Variants in BANK1 observed in about 807,000 individuals in gnomAD.
BANK1 encodes the protein B cell scaffold protein with ankyrin repeats 1, also known as B-cell scaffold protein with ankyrin repeats.
BANK1 carries 95 observed loss-of-function variants against 94.5 expected under a neutral mutation model. The ratio of observed to expected loss-of-function variants is 1.00; its 90% confidence interval spans 0.85 to 1.19. BANK1 has a LOEUF of 1.19. BANK1 is among the 50% of genes most tolerant of loss of function. The probability of loss-of-function intolerance (pLI) is 0.00; values close to 1 mark genes in which losing one functional copy is unlikely to be tolerated. For missense variants in BANK1, 987 were observed against 932.2 expected (o/e 1.06, Z -0.77); for synonymous variants, 334 against 308.4 (o/e 1.08, Z -0.87).
intron 7 of BANK1, among the ~76,000 whole-genome samples, chr4:101,937,570 C>G (rs1460604707): frequency 1.3e-5 from 2 of 151,728 alleles, no homozygotes; most frequent in Non-Finnish European, 2.9e-5. Flanking sequence ...GAATGGCTAT[C>G]ATTAAAAAGT....
At chr4:101,894,189 T>C (rs1248707939) in intron 5 of BANK1, among the ~76,000 whole-genome samples, 1 of 152,072 alleles carries the variant, frequency 6.6e-6, no homozygotes, top group East Asian at 1.9e-4. Context: ...ATTACATTAC[T>C]GAATTTTTGG....
At chr4:101,928,690 A>G (rs1334074016) in intron 7 of BANK1, among the ~76,000 whole-genome samples, 2 of 151,670 alleles carry the variant, frequency 1.3e-5, no homozygotes, top group African/African-American at 2.4e-5. Flanking sequence ...TATTGAACCT[A>G]TCAATCTTGA....
intron 6 of BANK1, among the ~76,000 whole-genome samples, chr4:101,906,658 G>A (rs763273678): frequency 2.2e-4 from 33 of 152,138 alleles, no homozygotes; most frequent in Non-Finnish European, 4.4e-4. Flanking sequence ...CTCATCATCA[G>A]TGTGAAAAAG....
chr4:102,050,806 GA>G (rs1381577336), intron 11 of BANK1, among the ~76,000 whole-genome samples: 3 of 99,440 alleles, frequency 3.0e-5, no homozygotes, highest in African/African-American at 1.6e-4. Flanking sequence ...GTCAGGTTAT[GA>G]AAAAAATGAA....
At chr4:101,991,789 CTATGTG>C in intron 7 of BANK1, among the ~76,000 whole-genome samples, 1 of 152,210 alleles carries the variant, frequency 6.6e-6, no homozygotes, top group East Asian at 1.9e-4. Flanking sequence ...ATGGATTTGT[CTATGTG>C]TATGTTTGTG....
intron 7 of BANK1, among the ~76,000 whole-genome samples, chr4:101,958,422 CTTTT>C (rs10580633): frequency 7.3e-6 from 1 of 137,486 alleles, no homozygotes; most frequent in Non-Finnish European, 1.5e-5. Flanking sequence ...GCTACAAACA[CTTTT>C]TTTTTTTTTG....
intron 7 of BANK1, among the ~76,000 whole-genome samples, chr4:101,924,316 C>T (rs2148902607): frequency 6.8e-6 from 1 of 146,244 alleles, no homozygotes; most frequent in Non-Finnish European, 1.5e-5. Flanking sequence ...AAGCAAAAAC[C>T]CCATTTGTAA....
chr4:101,967,283 A>T (rs1173808265), intron 7 of BANK1, among the ~76,000 whole-genome samples: 1 of 152,058 alleles, frequency 6.6e-6, no homozygotes, highest in Admixed American at 6.6e-5. Context: ...TAGATGAGGG[A>T]ACTGAGACAT....
chr4:102,069,995 A>G (rs1259277683), intron 13 of BANK1, among the ~76,000 whole-genome samples: 2 of 152,148 alleles, frequency 1.3e-5, no homozygotes, highest in Non-Finnish European at 2.9e-5. Flanking sequence ...AGGGGTGGCA[A>G]ATATCCAGGT....
intron 7 of BANK1, among the ~76,000 whole-genome samples, chr4:101,937,155 T>C (rs1723594196): frequency 6.6e-6 from 1 of 151,762 alleles, no homozygotes; most frequent in East Asian, 2.0e-4. Flanking sequence ...TGCAACACCA[T>C]AGACAGAACT....
At chr4:102,060,481 T>C in intron 12 of BANK1, 92 bp downstream of exon 12, 2 of 1,363,202 alleles carry the variant, frequency 1.5e-6, no homozygotes, top group East Asian at 2.6e-5. Context: ...TACAGGTAAC[T>C]GTTCTTTCAT....
At chr4:101,796,197 G>T (rs1423167671) in intron 1 of BANK1, among the ~76,000 whole-genome samples, 1 of 152,156 alleles carries the variant, frequency 6.6e-6, no homozygotes. Flanking sequence ...AAAGAGAGTA[G>T]TCTCAATTTC....
At chr4:101,934,551 A>C (rs1006477764) in intron 7 of BANK1, among the ~76,000 whole-genome samples, 3 of 151,654 alleles carry the variant, frequency 2.0e-5, no homozygotes, top group Admixed American at 2.0e-4. Context: ...CTTGAGATTT[A>C]TGATGAGATC....
Position 101,830,212 on chromosome 4 carries a change from G to T in BANK1, c.469+6G>T. On this transcript the variant is annotated splice_donor_region_variant and intron_variant, in intron 2 of 16. Coordinates refer to ENST00000322953, the MANE Select transcript of BANK1 (RefSeq NM_017935.5). Reference sequence around the variant, plus strand: ...CCAGAGTATCATATTCAAAGGTAGTGTTGCCAAACCTTGTTTGTTTTATTT... The same window carrying T: ...CCAGAGTATCATATTCAAAGGTAGTTTTGCCAAACCTTGTTTGTTTTATTT... 38 of 1,462,572 alleles carry T rather than the reference G, an allele frequency of 2.6e-5. No homozygotes were observed. The highest frequency in any genetic ancestry group is 1.8e-4 in the Middle Eastern group (1 of 5,500). 90.6% of individuals were successfully genotyped at this position (1,462,572 alleles called of 1,614,324 possible). A position where few individuals can be genotyped will look rare whatever the true frequency, so the allele number is the denominator to read the frequency against.
intron 2 of BANK1, among the ~76,000 whole-genome samples, chr4:101,832,015 T>C (rs1392738836): frequency 6.6e-6 from 1 of 152,168 alleles, no homozygotes. Flanking sequence ...ATTTTAATAA[T>C]CCCTTGGTTG....
At chr4:101,992,845 T>A (rs1292104464) in intron 7 of BANK1, among the ~76,000 whole-genome samples, 1 of 152,108 alleles carries the variant, frequency 6.6e-6, no homozygotes, top group Non-Finnish European at 1.5e-5. Flanking sequence ...TACTCGGAGA[T>A]CTAAAAAAGG....
At chr4:101,984,327 T>C (rs1208816164) in intron 7 of BANK1, among the ~76,000 whole-genome samples, 1 of 152,034 alleles carries the variant, frequency 6.6e-6, no homozygotes, top group Non-Finnish European at 1.5e-5. Flanking sequence ...CCTTTTAGAA[T>C]ATGGTGGGAT....
intron 2 of BANK1, among the ~76,000 whole-genome samples, chr4:101,850,079 C>T (rs1326814393): frequency 2.0e-5 from 3 of 152,132 alleles, no homozygotes; most frequent in African/African-American, 7.2e-5. Context: ...TTCAGTAATC[C>T]ATCACTGGAT....
chr4:102,010,157 C>T (rs1044134287), intron 7 of BANK1, among the ~76,000 whole-genome samples: 7 of 151,448 alleles, frequency 4.6e-5, no homozygotes, highest in Admixed American at 6.6e-5. Flanking sequence ...CCCAGCTACT[C>T]GGGAGGCTGA....
Sources: allele counts gnomAD v4.1 joint callset (sites outside exome capture counted in the v4.1 genomes callset), GRCh38; gene constraint gnomAD v4.1.1; transcripts MANE v1.5; gene names NCBI Gene and HGNC (gene_info 2026-07-23, HGNC 2026-07-21).